Variants in SNX9 observed in about 807,000 individuals in gnomAD.
SNX9 encodes sorting nexin 9, also known as sorting nexin-9.
In SNX9, 44 loss-of-function variants were observed where a neutral mutation model predicts 89.4. The ratio of observed to expected loss-of-function variants is 0.49; its 90% CI spans 0.39 to 0.63. SNX9 has a LOEUF of 0.63. Ranked by LOEUF, SNX9 falls within the 30% of genes least tolerant of loss-of-function variation. SNX9 has a pLI of 0.00. For synonymous variants in SNX9, 236 were observed against 247.8 expected (o/e 0.95, Z 0.45); for missense variants, 578 against 736.1 (o/e 0.79, Z 2.49).
intron 1 of SNX9, among the ~76,000 whole-genome samples, chr6:157,847,987 C>T (rs975236344): frequency 2.0e-5 from 3 of 152,132 alleles, no homozygotes; most frequent in Non-Finnish European, 2.9e-5. Flanking sequence ...CTCCCTAGCC[C>T]CTGTTCCTCA....
At chr6:157,904,562 T>C (rs1783171274) in intron 6 of SNX9, among the ~76,000 whole-genome samples, 1 of 151,952 alleles carries the variant, frequency 6.6e-6, no homozygotes, top group Non-Finnish European at 1.5e-5. Context: ...GTTGTCATGA[T>C]ATATAATCCC....
At chr6:157,906,644 A>G (rs746388608) in intron 7 of SNX9, among the ~76,000 whole-genome samples, 8 of 152,202 alleles carry the variant, frequency 5.3e-5, no homozygotes, top group East Asian at 1.9e-4. Context: ...TGTTTTTTCC[A>G]GTAAACCAGC....
chr6:157,846,133 T>C (rs1316594807), intron 1 of SNX9, among the ~76,000 whole-genome samples: 2 of 152,252 alleles, frequency 1.3e-5, no homozygotes, highest in East Asian at 3.8e-4. Flanking sequence ...ATCCCTCACT[T>C]GGTCACCTTT....
At position 157,943,616 on chromosome 6, in the gene SNX9, T is replaced by A. The variant is rs929966134; in HGVS notation, c.*778T>A. The stretch of plus-strand genomic sequence containing the variant: ...CTTCCTAATCTTGGTTAAGGCATGT[T>A]TTATGCCATGAAGAATACATTAGAA... On this transcript the variant is annotated 3_prime_UTR_variant, in exon 18 of 18. Coordinates refer to ENST00000392185, the MANE Select transcript of SNX9 (RefSeq NM_016224.5). 1 of 152,334 alleles carries A rather than the reference T, an allele frequency of 6.6e-6. No homozygotes were observed. Among genetic ancestry groups the A allele is most frequent in the Non-Finnish European group, 1.5e-5 (1 of 68,124 alleles). The allele number at this position is 152,334 out of a possible 1,614,324, so 9.4% of individuals were successfully genotyped here. A position where few individuals can be genotyped will look rare whatever the true frequency, so the allele number is the denominator to read the frequency against.
intron 1 of SNX9, among the ~76,000 whole-genome samples, chr6:157,865,169 T>C (rs1782233066): frequency 1.3e-5 from 2 of 151,672 alleles, no homozygotes; most frequent in South Asian, 2.1e-4. Flanking sequence ...TGAAACCCTG[T>C]CTCTACTAAA....
chr6:157,857,118 T>C (rs1782028444), intron 1 of SNX9, among the ~76,000 whole-genome samples: 1 of 152,214 alleles, frequency 6.6e-6, no homozygotes, highest in African/African-American at 2.4e-5. Context: ...CCAATTAGTT[T>C]TATCATCATG....
chr6:157,888,961 AAGAAG>A (rs1432282196), intron 4 of SNX9, among the ~76,000 whole-genome samples: 1 of 152,132 alleles, frequency 6.6e-6, no homozygotes, highest in African/African-American at 2.4e-5. Context: ...AGAGAGGGAA[AAGAAG>A]AGGAGAATGA....
At chr6:157,844,600 G>GT (rs34836632) in intron 1 of SNX9, among the ~76,000 whole-genome samples, 22,461 of 131,654 alleles carry the variant, frequency 0.17, 2,059 homozygotes, top group Non-Finnish European at 0.19. Flanking sequence ...TTTTTTTTTT[G>GT]TTTTTTTTTT....
chr6:157,915,168 G>A (rs554273684), intron 9 of SNX9, among the ~76,000 whole-genome samples: 99 of 152,164 alleles, frequency 6.5e-4, no homozygotes, highest in African/African-American at 2.3e-3. Context: ...CATCCTTTTC[G>A]CTAGTCCTAC....
intron 4 of SNX9, among the ~76,000 whole-genome samples, chr6:157,887,433 G>T (rs1782757946): frequency 6.6e-6 from 1 of 152,088 alleles, no homozygotes; most frequent in Non-Finnish European, 1.5e-5. Flanking sequence ...GATCTGCAGT[G>T]TCCTCTGCAG....
chr6:157,870,454 C>T (rs964773007), intron 2 of SNX9, among the ~76,000 whole-genome samples: 3 of 151,924 alleles, frequency 2.0e-5, no homozygotes, highest in African/African-American at 7.3e-5. Context: ...AGATGCAGCA[C>T]TCACCCGTGC....
intron 9 of SNX9, among the ~76,000 whole-genome samples, chr6:157,910,991 T>C (rs1378628678): frequency 6.6e-6 from 1 of 152,066 alleles, no homozygotes; most frequent in Non-Finnish European, 1.5e-5. Context: ...TGTGCACCTG[T>C]AGTCTCAGCT....
At chr6:157,936,113 C>G in intron 14 of SNX9, 73 bp downstream of exon 14, 1 of 1,226,564 alleles carries the variant, frequency 8.2e-7, no homozygotes, top group Middle Eastern at 1.9e-4. Flanking sequence ...TAAAACCTGT[C>G]TTAGGACAAA....
At chr6:157,916,916 C>T (rs1333685909) in intron 9 of SNX9, among the ~76,000 whole-genome samples, 2 of 152,156 alleles carry the variant, frequency 1.3e-5, no homozygotes, top group African/African-American at 4.8e-5. Flanking sequence ...CAATGCTAGT[C>T]TCATAGGATG....
chr6:157,879,295 G>A (rs1365463527), intron 4 of SNX9, among the ~76,000 whole-genome samples: 4 of 152,214 alleles, frequency 2.6e-5, no homozygotes, highest in East Asian at 1.9e-4. Context: ...AGGCAGCCAC[G>A]CAGTGGAAAG....
chr6:157,836,639 G>A (rs542026398), intron 1 of SNX9, among the ~76,000 whole-genome samples: 1 of 151,132 alleles, frequency 6.6e-6, no homozygotes, highest in Non-Finnish European at 1.5e-5. Flanking sequence ...CGCCCAGGCT[G>A]GAGTGCAGTG....
chr6:157,867,168 G>T (rs1179620129), intron 1 of SNX9, among the ~76,000 whole-genome samples: 2 of 152,054 alleles, frequency 1.3e-5, no homozygotes, highest in Non-Finnish European at 2.9e-5. Context: ...GCTCAGGCTG[G>T]TCTCGAACCC....
intron 4 of SNX9, among the ~76,000 whole-genome samples, chr6:157,879,616 C>T (rs889556509): frequency 2.6e-5 from 4 of 152,164 alleles, no homozygotes; most frequent in Admixed American, 6.5e-5. Flanking sequence ...AGTTACTTAT[C>T]GGTTATTTCA....
chr6:157,830,566 G>GAGGACAC (rs1781461062), intron 1 of SNX9: 1 of 152,302 alleles, frequency 6.6e-6, no homozygotes, highest in Non-Finnish European at 1.5e-5. Context: ...TCTGAGGACA[G>GAGGACAC]GTGCTACGTT....
Sources: gnomAD v4.1 joint callset for allele counts (sites outside exome capture counted in the v4.1 genomes callset) on GRCh38, gnomAD v4.1.1 for gene constraint, MANE v1.5 for transcripts, NCBI Gene and HGNC (gene_info 2026-07-23, HGNC 2026-07-21) for gene names.